The following EPHA6 variants were observed in gnomAD, a reference collection of about 807,000 sequenced individuals.
EPHA6 encodes ephrin type-A receptor 6.
A neutral mutation model predicts 112.0 loss-of-function variants in EPHA6; 50 were observed. The observed-to-expected ratio is 0.45, with a 90% CI of 0.36 to 0.56. The LOEUF (loss-of-function observed/expected upper bound fraction) is 0.56. Among genes scored for constraint, EPHA6 ranks in the 20% least tolerant of loss-of-function variants. EPHA6 has a pLI of 0.00. For missense variants in EPHA6, 1,280 were observed against 1,417.4 expected (o/e 0.90, Z 1.56); for synonymous variants, 529 against 490.7 (o/e 1.08, Z -1.03).
chr3:97,490,354 A>G lies in EPHA6; in HGVS notation c.2200+6295A>G, dbSNP rs189099771. Reference sequence around the variant, plus strand: ...ATAGACCAAAATTATAGAATTTATTATATGCCTTTGCACTTATATAGTAAA... The same window carrying G: ...ATAGACCAAAATTATAGAATTTATTGTATGCCTTTGCACTTATATAGTAAA... On this transcript the variant is annotated intron_variant, in intron 10 of 17. Coordinates refer to ENST00000389672, the MANE Select transcript of EPHA6 (RefSeq NM_001080448.3). 3.9e-3 allele frequency among the ~76,000 whole-genome samples: 596 copies of G among 152,334 alleles called. 4 individuals carry two copies. Among genetic ancestry groups the G allele is most frequent in the African/African-American group, 0.013 (537 of 41,584 alleles).
chr3:97,607,327 T>A (rs2093687505), intron 12 of EPHA6, among the ~76,000 whole-genome samples: 1 of 151,104 alleles, frequency 6.6e-6, no homozygotes, highest in South Asian at 2.1e-4. Context: ...TTTATCCACA[T>A]CACCTTTATC....
At chr3:97,078,455 A>C (rs147738442) in intron 3 of EPHA6, among the ~76,000 whole-genome samples, 2,425 of 152,212 alleles carry the variant, frequency 0.016, 60 homozygotes, top group African/African-American at 0.056. Flanking sequence ...TGTTTTAGTC[A>C]TGAAGTCCTT....
intron 3 of EPHA6, among the ~76,000 whole-genome samples, chr3:97,160,097 T>C (rs2076377626): frequency 6.6e-6 from 1 of 152,158 alleles, no homozygotes; most frequent in South Asian, 2.1e-4. Flanking sequence ...TGAATCCATG[T>C]ATAACCTCCA....
chr3:97,454,191 A>G (rs187449792), intron 7 of EPHA6, among the ~76,000 whole-genome samples: 32 of 151,920 alleles, frequency 2.1e-4, no homozygotes, highest in Non-Finnish European at 3.5e-4. Context: ...TGTTCTTGCC[A>G]GTGAGAAATC....
intron 14 of EPHA6, among the ~76,000 whole-genome samples, chr3:97,649,764 TCA>T (rs3064341): frequency 0.44 from 64,835 of 147,808 alleles, 13,987 homozygotes; most frequent in African/African-American, 0.49. Flanking sequence ...AAATCACTAT[TCA>T]CACACACACA....
intron 2 of EPHA6, among the ~76,000 whole-genome samples, chr3:96,960,550 T>C (rs1247656407): frequency 6.6e-6 from 1 of 152,184 alleles, no homozygotes; most frequent in African/African-American, 2.4e-5. Context: ...TCAAATATAG[T>C]CTACAAAGTA....
chr3:97,557,384 C>A (rs2093126366), intron 11 of EPHA6, among the ~76,000 whole-genome samples: 1 of 151,770 alleles, frequency 6.6e-6, no homozygotes, highest in African/African-American at 2.4e-5. Flanking sequence ...GTTCATTAGC[C>A]ATTTTCATCT....
Position 96,987,752 on chromosome 3 carries a change from G to A in EPHA6, c.873G>A (p.Leu291=). Residue 291 remains leucine (L), a synonymous_variant, in exon 3 of 18, where the codon CTG becomes CTA. Transcript: ENST00000389672. ...AFQDIGACIA[L]VSVRVFYKKC... is the part of the protein sequence containing the mutation. ...AAGACATTGGGGCGTGCATTGCCCT[G>A]GTTTCAGTCCGTGTTTTCTACAAGA... is the stretch of plus-strand genomic sequence containing the variant. 6.2e-7 allele frequency: 1 copy of A among 1,613,588 alleles called. No homozygotes were observed. The highest frequency in any genetic ancestry group is 2.2e-5 in the East Asian group (1 of 44,874).
At chr3:97,504,001 T>A (rs914813346) in intron 10 of EPHA6, among the ~76,000 whole-genome samples, 1 of 152,196 alleles carries the variant, frequency 6.6e-6, no homozygotes, top group Non-Finnish European at 1.5e-5. Flanking sequence ...TTCTTTCAAT[T>A]TCCAGGATTT....
intron 3 of EPHA6, among the ~76,000 whole-genome samples, chr3:97,077,453 A>G (rs1299378703): frequency 6.6e-6 from 1 of 152,184 alleles, no homozygotes; most frequent in Non-Finnish European, 1.5e-5. Flanking sequence ...GGCTCATTAC[A>G]TAGGTATACA....
At chr3:97,518,304 G>A (rs747624077) in intron 10 of EPHA6, among the ~76,000 whole-genome samples, 12 of 151,948 alleles carry the variant, frequency 7.9e-5, no homozygotes, top group Non-Finnish European at 1.6e-4. Context: ...ATCTCCGTGT[G>A]GTTTTAAATT....
intron 1 of EPHA6, among the ~76,000 whole-genome samples, chr3:96,828,722 G>A (rs1265472290): frequency 6.6e-6 from 1 of 152,108 alleles, no homozygotes. Context: ...GATCAACACT[G>A]TTCCATTCCC....
rs116238509 is a variant in EPHA6, at chr3:97,280,887, G to T, written c.1606+36600G>T. Reference sequence around the variant, plus strand: ...ACATGTCCCACAAGATAAGCAATTTGACTCTGTATCCCCATCTCAAACAGT... The same window carrying T: ...ACATGTCCCACAAGATAAGCAATTTTACTCTGTATCCCCATCTCAAACAGT... On this transcript the variant is annotated intron_variant, in intron 5 of 17. Coordinates refer to ENST00000389672, the MANE Select transcript of EPHA6 (RefSeq NM_001080448.3). Among the ~76,000 whole-genome samples the T allele has an allele frequency of 2.8e-3, 431 of 152,224 alleles. 3 individuals carry two copies. Among genetic ancestry groups the T allele is most frequent in the African/African-American group, 9.9e-3 (413 of 41,530 alleles).
chr3:97,165,324 T>C (rs1289031103), intron 3 of EPHA6, among the ~76,000 whole-genome samples: 1 of 152,150 alleles, frequency 6.6e-6, no homozygotes, highest in African/African-American at 2.4e-5. Context: ...TTGTAACATA[T>C]ATAATATTTT....
At chr3:97,480,111 G>A (rs574983409) in intron 9 of EPHA6, among the ~76,000 whole-genome samples, 1 of 152,184 alleles carries the variant, frequency 6.6e-6, no homozygotes, top group South Asian at 2.1e-4. Context: ...GATAATAAAG[G>A]ACATTTCAAT....
intron 3 of EPHA6, among the ~76,000 whole-genome samples, chr3:97,112,657 G>A (rs2047758461): frequency 6.7e-6 from 1 of 150,318 alleles, no homozygotes; most frequent in Non-Finnish European, 1.5e-5. Flanking sequence ...TTTTTTTCTA[G>A]CCTAGTATGA....
intron 2 of EPHA6, among the ~76,000 whole-genome samples, chr3:96,902,907 G>A (rs1409782006): frequency 1.3e-5 from 2 of 152,172 alleles, no homozygotes; most frequent in Non-Finnish European, 2.9e-5. Flanking sequence ...AAGCATTGGA[G>A]ACTCCAAAGT....
chr3:97,719,562 AG>A (rs746092313), intron 14 of EPHA6, among the ~76,000 whole-genome samples: 45 of 152,248 alleles, frequency 3.0e-4, no homozygotes, highest in Non-Finnish European at 5.3e-4. Flanking sequence ...ATAAAATTTA[AG>A]TGTAATACAA....
intron 3 of EPHA6, among the ~76,000 whole-genome samples, chr3:97,147,998 G>T (rs753952928): frequency 2.0e-5 from 3 of 152,012 alleles, no homozygotes; most frequent in African/African-American, 4.8e-5. Flanking sequence ...GGGTATATAA[G>T]AACTCTAATC....
Sources: gnomAD v4.1 joint callset for allele counts (sites outside exome capture counted in the v4.1 genomes callset) on GRCh38, gnomAD v4.1.1 for gene constraint, MANE v1.5 for transcripts, NCBI Gene and HGNC (gene_info 2026-07-23, HGNC 2026-07-21) for gene names.